Variants in B4GALNT3 observed in about 807,000 individuals in gnomAD.
B4GALNT3 encodes the protein beta-1,4-N-acetylgalactosaminyltransferase 3.
Under a neutral mutation model 120.2 loss-of-function variants are expected in B4GALNT3, and 86 were observed. The ratio of observed to expected loss-of-function variants is 0.72; its 90% CI spans 0.60 to 0.86. B4GALNT3 has a LOEUF of 0.86. Ranked by LOEUF, B4GALNT3 falls within the 40% of genes least tolerant of loss-of-function variation. The pLI is 0.00. For synonymous variants in B4GALNT3, 518 were observed against 510.4 expected (o/e 1.01, Z -0.20); for missense variants, 1,167 against 1,298.9 (o/e 0.90, Z 1.56).
At chr12:515,158 T>G (rs1946639705) in intron 1 of B4GALNT3, among the ~76,000 whole-genome samples, 1 of 149,428 alleles carries the variant, frequency 6.7e-6, no homozygotes, top group Non-Finnish European at 1.5e-5. Flanking sequence ...GCAATAATAG[T>G]ACCTACCTCA....
chr12:462,223 G>A (rs918110142), intron 1 of B4GALNT3, among the ~76,000 whole-genome samples: 4 of 152,040 alleles, frequency 2.6e-5, no homozygotes, highest in Non-Finnish European at 4.4e-5. Flanking sequence ...CCTGGGAGGC[G>A]ACACCTCCTC....
intron 1 of B4GALNT3, among the ~76,000 whole-genome samples, chr12:529,382 C>T (rs12815931): frequency 0.19 from 28,505 of 152,058 alleles, 3,632 homozygotes; most frequent in Admixed American, 0.37. Context: ...GATGGACTTG[C>T]GCCATCCGCT....
chr12:525,589 T>A (rs1052688089), intron 1 of B4GALNT3, among the ~76,000 whole-genome samples: 2 of 152,216 alleles, frequency 1.3e-5, no homozygotes, highest in African/African-American at 4.8e-5. Context: ...GTAAGTCGTG[T>A]GTCCCTGAAG....
chr12:497,731 T>C (rs947622759), intron 1 of B4GALNT3, among the ~76,000 whole-genome samples: 1 of 152,222 alleles, frequency 6.6e-6, no homozygotes, highest in Non-Finnish European at 1.5e-5. Context: ...TCACTTTTCC[T>C]CATGCTTGAC....
intron 1 of B4GALNT3, among the ~76,000 whole-genome samples, chr12:504,939 G>A (rs1946482428): frequency 6.6e-6 from 1 of 150,880 alleles, no homozygotes; most frequent in South Asian, 2.1e-4. Flanking sequence ...TGCCCAGGAT[G>A]GAGTGCAGTG....
At chr12:503,701 C>G (rs1364179748) in intron 1 of B4GALNT3, among the ~76,000 whole-genome samples, 1 of 152,156 alleles carries the variant, frequency 6.6e-6, no homozygotes, top group Non-Finnish European at 1.5e-5. Context: ...TAGAGCAAGT[C>G]ATTTAAGGTC....
chr12:558,001 C>T lies in B4GALNT3; in HGVS notation c.2535-15C>T, dbSNP rs952998332. 6.2e-6 allele frequency: 10 copies of T among 1,613,706 alleles called. No homozygotes were observed. Among genetic ancestry groups the T allele is most frequent in the African/African-American group, 2.7e-5 (2 of 74,930 alleles). On this transcript the variant is annotated splice_polypyrimidine_tract_variant and intron_variant, in intron 16 of 19. Transcript: ENST00000266383. ...GCTGAGTCCTGATACGCAGCCCTCT[C>T]TCCCCTTCCTGCAGCTACCAGTACG...
intron 15 of B4GALNT3, 147 bp downstream of exon 15, chr12:557,013 A>T: frequency 1.1e-6 from 1 of 884,916 alleles, no homozygotes; most frequent in Non-Finnish European, 1.7e-6. Flanking sequence ...TCACAAAAGG[A>T]AAGTCACTGG....
At position 536,194 on chromosome 12, in the gene B4GALNT3, C is replaced by A. The variant is rs183711157; in HGVS notation, c.274-24C>A. ...CTTCTCATCCTAATATTCCTACCAA[C>A]TTCGTTCTTCATTCTTCCCCTAGGA... On this transcript the variant is annotated intron_variant, in intron 2 of 19. Coordinates refer to ENST00000266383, the MANE Select transcript of B4GALNT3 (RefSeq NM_173593.4). The A allele has an allele frequency of 1.8e-5, 28 of 1,596,924 alleles. No individual in the cohort carries two copies. In the East Asian group the frequency reaches 6.3e-4, roughly 36 times the overall value.
chr12:490,058 A>G (rs750222332), intron 1 of B4GALNT3, among the ~76,000 whole-genome samples: 1 of 152,236 alleles, frequency 6.6e-6, no homozygotes, highest in African/African-American at 2.4e-5. Context: ...AAAATCTTGA[A>G]CTAAATGAAA....
At chr12:470,490 G>A (rs796965849) in intron 1 of B4GALNT3, among the ~76,000 whole-genome samples, 15 of 152,364 alleles carry the variant, frequency 9.8e-5, no homozygotes, top group African/African-American at 3.4e-4. Context: ...GGATGAGGAC[G>A]TGGAGGATTC....
Position 546,656 on chromosome 12 carries a change from A to G in B4GALNT3, c.650A>G (p.Glu217Gly), listed in dbSNP as rs1400065572. The change falls in exon 7 of 20, where the codon GAG becomes GGG. Residue 217 changes from glutamate to glycine, a missense_variant. This residue lies in a region of B4GALNT3 where 983 missense variants were observed against 1,102.5 expected (regional missense o/e 0.89). Coordinates refer to ENST00000266383, the MANE Select transcript of B4GALNT3 (RefSeq NM_173593.4). Reference protein sequence around the residue: ...LLASVGKTGKEWTAPGEFGKF... With the variant: ...LLASVGKTGKGWTAPGEFGKF... Reference sequence around the variant, plus strand: ...CTTCCACACCTCTAGACTGGAAAGGAGTGGACCGCCCCGGGAGAGTTTGGG... The same window carrying G: ...CTTCCACACCTCTAGACTGGAAAGGGGTGGACCGCCCCGGGAGAGTTTGGG... 1.3e-6 allele frequency: 2 copies of G among 1,551,210 alleles called. No individual in the cohort carries two copies. The highest frequency in any genetic ancestry group is 2.4e-5 in the East Asian group (1 of 40,876).
chr12:459,958 G>T lies in B4GALNT3; in HGVS notation c.-419G>T, dbSNP rs1242118993. Among the ~76,000 whole-genome samples the T allele has an allele frequency of 1.3e-5, 2 of 151,158 alleles. No homozygotes were observed. The highest frequency in any genetic ancestry group is 6.6e-5 in the Admixed American group (1 of 15,198). On this transcript the variant is annotated 5_prime_UTR_variant, in exon 1 of 20. Transcript: ENST00000266383. Reference sequence around the variant, plus strand: ...CGGGCCAGGTTCCGCGAGCAGGAGAGCCCAGAGCCCGGAGCCCGGTCCGGG... The same window carrying T: ...CGGGCCAGGTTCCGCGAGCAGGAGATCCCAGAGCCCGGAGCCCGGTCCGGG...
In B4GALNT3 at chr12:553,803, T is replaced by G; in HGVS notation, c.1880T>G (p.Val627Gly). ...DMSEVFEYVP[V>G]FDPVVNWDQT... ...AGTGAGGTGTTCGAGTACGTACCTG[T>G]GTTTGACCCGGTAGTAAACTGGGAC... The change falls in exon 14 of 20, where the codon GTG (valine) becomes GGG (glycine). Residue 627 changes from valine to glycine, a missense_variant. Val to Gly is a moderately radical substitution (Grantham distance 109, BLOSUM62 -3). This residue lies in a region of B4GALNT3 where 983 missense variants were observed against 1,102.5 expected (regional missense o/e 0.89). Coordinates refer to ENST00000266383, the MANE Select transcript of B4GALNT3 (RefSeq NM_173593.4). 1 of 1,614,250 alleles carries G rather than the reference T, an allele frequency of 6.2e-7. No individual in the cohort carries two copies. The highest frequency in any genetic ancestry group is 8.5e-7 in the Non-Finnish European group (1 of 1,180,036).
chr12:486,376 A>AT (rs1946291419), intron 1 of B4GALNT3, among the ~76,000 whole-genome samples: 1 of 151,360 alleles, frequency 6.6e-6, no homozygotes, highest in East Asian at 1.9e-4. Context: ...CACCCGGCTA[A>AT]TTTTTGTCTT....
chr12:532,034 G>A (rs760299204), intron 1 of B4GALNT3, among the ~76,000 whole-genome samples: 1 of 151,460 alleles, frequency 6.6e-6, no homozygotes, highest in Non-Finnish European at 1.5e-5. Flanking sequence ...TCAAACTCCT[G>A]GGCTCAAGTG....
chr12:466,476 G>C (rs555142655), intron 1 of B4GALNT3, among the ~76,000 whole-genome samples: 1 of 152,170 alleles, frequency 6.6e-6, no homozygotes, highest in African/African-American at 2.4e-5. Context: ...GTCTCAACTA[G>C]GCCAACCAGA....
intron 1 of B4GALNT3, among the ~76,000 whole-genome samples, chr12:502,604 C>G (rs1946456068): frequency 6.6e-6 from 1 of 151,906 alleles, no homozygotes; most frequent in African/African-American, 2.4e-5. Context: ...AAGAGGGAGG[C>G]CAAGAAAGAC....
chr12:560,268 C>T (rs761737729), intron 19 of B4GALNT3, among the ~76,000 whole-genome samples: 13 of 152,212 alleles, frequency 8.5e-5, no homozygotes, highest in South Asian at 2.1e-4. Context: ...GCACTGGGGG[C>T]GGGACCTCGA....
Sources: gnomAD v4.1 joint callset for allele counts (sites outside exome capture counted in the v4.1 genomes callset) on GRCh38, gnomAD v4.1.1 for gene constraint, gnomAD v4.1.1 regional missense constraint, MANE v1.5 for transcripts, NCBI Gene and HGNC (gene_info 2026-07-23, HGNC 2026-07-21) for gene names.